SLC7A2: variants seen among roughly 807,000 people sequenced by gnomAD.
The protein encoded by SLC7A2 is cationic amino acid transporter 2.
A neutral mutation model predicts 58.9 loss-of-function variants in SLC7A2; 48 were observed. That is an observed-to-expected ratio of 0.82 (90% CI 0.65 to 1.04). The LOEUF is 1.04. Ranked by LOEUF, SLC7A2 falls within the 50% of genes least tolerant of loss-of-function variation. The pLI, the probability that SLC7A2 is intolerant of heterozygous loss-of-function variation, is 0.00. For synonymous variants in SLC7A2, 363 were observed against 314.5 expected, an observed-to-expected ratio of 1.15 and a Z score of -1.63; for missense variants, 1,029 against 818.8, an observed-to-expected ratio of 1.26 and a Z score of -3.13.
At chr8:17,534,710 AAAAC>A (rs1563456483) in intron 2 of SLC7A2, among the ~76,000 whole-genome samples, 2 of 151,822 alleles carry the variant, frequency 1.3e-5, no homozygotes, top group Non-Finnish European at 2.9e-5. Context: ...AAAAAAAAAA[AAAAC>A]AAGACAAAAC....
intron 2 of SLC7A2, among the ~76,000 whole-genome samples, chr8:17,533,262 C>T (rs1419497055): frequency 6.6e-6 from 1 of 152,326 alleles, no homozygotes; most frequent in African/African-American, 2.4e-5. Context: ...TACATTGTTG[C>T]TGTGTTTTAA....
chr8:17,519,863 T>C (rs1297934679), intron 2 of SLC7A2, among the ~76,000 whole-genome samples: 1 of 152,162 alleles, frequency 6.6e-6, no homozygotes, highest in African/African-American at 2.4e-5. Flanking sequence ...CCATAAAACC[T>C]TCTAGAGTGA....
chr8:17,534,813 G>A (rs906402893), intron 2 of SLC7A2, among the ~76,000 whole-genome samples: 1 of 151,778 alleles, frequency 6.6e-6, no homozygotes, highest in African/African-American at 2.4e-5. Context: ...TATATGGCAT[G>A]TAAAGTTAAT....
intron 5 of SLC7A2, among the ~76,000 whole-genome samples, 174 bp downstream of exon 5, chr8:17,549,017 C>T (rs910829501): frequency 2.0e-5 from 3 of 152,276 alleles, no homozygotes; most frequent in Middle Eastern, 3.4e-3. Context: ...GCCTCACAAT[C>T]GTGGCGGAAG....
At chr8:17,530,565 G>A (rs1801407484) in intron 2 of SLC7A2, among the ~76,000 whole-genome samples, 1 of 125,854 alleles carries the variant, frequency 7.9e-6, no homozygotes, top group Non-Finnish European at 1.7e-5. Flanking sequence ...ACAAGTGTGA[G>A]TAAATAGATT....
In SLC7A2 at chr8:17,567,481, G is replaced by T. The variant is rs1803317524; in HGVS notation, c.*2335G>T. 1 of 152,580 alleles carries T rather than the reference G, an allele frequency of 6.6e-6. No homozygotes were observed. The highest frequency in any genetic ancestry group is 2.1e-4 in the South Asian group (1 of 4,826). The allele number at this position is 152,580 out of a possible 1,614,324, so 9.5% of individuals were successfully genotyped here. A position where few individuals can be genotyped will look rare whatever the true frequency, so the allele number is the denominator to read the frequency against. On this transcript the variant is annotated 3_prime_UTR_variant, in exon 13 of 13. Transcript: ENST00000494857. ...ATATCTATGAAAAGATGCTTTGTCA[G>T]CCACTGTGCCTTTTTTTCTGTGAAG...
At chr8:17,543,148 T>C (rs1298524467) in intron 2 of SLC7A2, among the ~76,000 whole-genome samples, 170 bp from the exon 3 acceptor site, 2 of 151,834 alleles carry the variant, frequency 1.3e-5, no homozygotes, top group Non-Finnish European at 2.9e-5. Flanking sequence ...TAAACCTTCC[T>C]TCTGACTGCT....
intron 2 of SLC7A2, among the ~76,000 whole-genome samples, chr8:17,508,292 C>T (rs1431457879): frequency 6.6e-6 from 1 of 152,052 alleles, no homozygotes. Flanking sequence ...TTATTCTGGT[C>T]TTTTTTGCTA....
intron 2 of SLC7A2, among the ~76,000 whole-genome samples, chr8:17,541,453 ACT>A (rs1490071671): frequency 6.6e-6 from 1 of 152,132 alleles, no homozygotes; most frequent in East Asian, 1.9e-4. Context: ...ATGCTTTGGC[ACT>A]CTGTCAGGTT....
intron 12 of SLC7A2, 100 bp downstream of exon 12, chr8:17,563,811 G>T (rs140491639): frequency 2.5e-5 from 18 of 726,374 alleles, no homozygotes; most frequent in Non-Finnish European, 3.8e-5. Flanking sequence ...TTTTTTTCCC[G>T]CTTCTTTCTT....
At chr8:17,514,613 T>G (rs2150674286) in intron 2 of SLC7A2, among the ~76,000 whole-genome samples, 1 of 152,268 alleles carries the variant, frequency 6.6e-6, no homozygotes, top group Non-Finnish European at 1.5e-5. Flanking sequence ...AGAAACTCAA[T>G]TTTGCTTGGT....
intron 2 of SLC7A2, among the ~76,000 whole-genome samples, chr8:17,514,678 A>T (rs1270117447): frequency 1.3e-5 from 2 of 152,184 alleles, no homozygotes; most frequent in Non-Finnish European, 2.9e-5. Flanking sequence ...GGCTAGCTTT[A>T]CTATCATTTG....
At chr8:17,518,852 T>G in intron 2 of SLC7A2, among the ~76,000 whole-genome samples, 1 of 152,130 alleles carries the variant, frequency 6.6e-6, no homozygotes. Flanking sequence ...CAGACATTTA[T>G]TTTTCATACT....
chr8:17,520,043 T>C (rs1467669941), intron 2 of SLC7A2, among the ~76,000 whole-genome samples: 2 of 152,162 alleles, frequency 1.3e-5, no homozygotes, highest in African/African-American at 4.8e-5. Context: ...GTGAAACATA[T>C]ATGTTAAAGC....
intron 2 of SLC7A2, among the ~76,000 whole-genome samples, chr8:17,514,094 G>C (rs987731409): frequency 6.6e-6 from 1 of 152,104 alleles, no homozygotes; most frequent in Admixed American, 6.5e-5. Flanking sequence ...CCCTTATTGG[G>C]AGTAAAAACA....
intron 7 of SLC7A2, among the ~76,000 whole-genome samples, chr8:17,552,395 C>G (rs931985885): frequency 6.6e-6 from 1 of 152,130 alleles, no homozygotes; most frequent in African/African-American, 2.4e-5. Flanking sequence ...ATGTACAGAC[C>G]TTGCATTTGC....
intron 1 of SLC7A2, among the ~76,000 whole-genome samples, chr8:17,497,471 T>C (rs1322247364): frequency 3.9e-5 from 6 of 152,084 alleles, no homozygotes; most frequent in Non-Finnish European, 7.4e-5. Context: ...TGGACCTTCG[T>C]CCTCGGGGCT....
intron 8 of SLC7A2, chr8:17,555,070 G>A: frequency 3.1e-6 from 5 of 1,613,828 alleles, no homozygotes; most frequent in Non-Finnish European, 4.2e-6. Context: ...GTTGACTGCA[G>A]GGGTCATTTC....
intron 2 of SLC7A2, among the ~76,000 whole-genome samples, chr8:17,509,472 A>G (rs999311547): frequency 6.6e-6 from 1 of 151,878 alleles, no homozygotes; most frequent in Admixed American, 6.6e-5. Flanking sequence ...CACCTGGCTA[A>G]TTTTTGTATT....
Sources: gnomAD v4.1 joint callset for allele counts (sites outside exome capture counted in the v4.1 genomes callset) on GRCh38, gnomAD v4.1.1 for gene constraint, MANE v1.5 for transcripts, NCBI Gene and HGNC (gene_info 2026-07-23, HGNC 2026-07-21) for gene names.